The following POFUT3 variants were observed in gnomAD, a reference collection of about 807,000 sequenced individuals.
POFUT3 encodes the protein GDP-fucose protein O-fucosyltransferase 3.
chr8:33,328,228 A>G, the POFUT3 span, among the ~76,000 whole-genome samples: 1 of 152,168 alleles, frequency 6.6e-6, no homozygotes, highest in South Asian at 2.1e-4. Context: ...GGATGAACCC[A>G]CAGTGACTCA....
the POFUT3 span, among the ~76,000 whole-genome samples, chr8:33,470,847 G>A: frequency 6.6e-6 from 1 of 151,960 alleles, no homozygotes; most frequent in Non-Finnish European, 1.5e-5. Flanking sequence ...CCAAAACTAA[G>A]CTCTCTCATC....
the POFUT3 span, among the ~76,000 whole-genome samples, chr8:33,386,726 C>T: frequency 6.6e-6 from 1 of 152,082 alleles, no homozygotes; most frequent in Non-Finnish European, 1.5e-5. Context: ...AGGAGAATGG[C>T]GTGAACCCGG....
the POFUT3 span, among the ~76,000 whole-genome samples, chr8:33,365,493 T>C: frequency 6.6e-6 from 1 of 151,808 alleles, no homozygotes; most frequent in Non-Finnish European, 1.5e-5. Context: ...TGGGAGAAAA[T>C]TTTTGCAATC....
the POFUT3 span, among the ~76,000 whole-genome samples, chr8:33,335,749 T>C: frequency 3.2e-4 from 49 of 152,262 alleles, no homozygotes; most frequent in African/African-American, 1.0e-3. Context: ...TGTATTCTTA[T>C]AGAAAAGTCA....
At chr8:33,442,669 A>T in the POFUT3 span, among the ~76,000 whole-genome samples, 33 of 150,656 alleles carry the variant, frequency 2.2e-4, no homozygotes, top group African/African-American at 7.8e-4. Context: ...TGTATTGCTC[A>T]GGCTGGTCTC....
chr8:33,449,189 T>A, the POFUT3 span, among the ~76,000 whole-genome samples: 8 of 150,474 alleles, frequency 5.3e-5, no homozygotes, highest in African/African-American at 2.0e-4. Context: ...ATAAAGGACA[T>A]ACAAAATGCT....
At chr8:33,361,963 T>C in the POFUT3 span, among the ~76,000 whole-genome samples, 869 of 152,240 alleles carry the variant, frequency 5.7e-3, 9 homozygotes, top group African/African-American at 0.02. Flanking sequence ...AGACACGTAA[T>C]TGTCAGATTC....
the POFUT3 span, among the ~76,000 whole-genome samples, chr8:33,356,163 C>T: frequency 6.6e-5 from 10 of 152,254 alleles, no homozygotes; most frequent in East Asian, 3.9e-4. Flanking sequence ...GCAGCATGAT[C>T]TATAGTCATT....
chr8:33,375,886 G>A, the POFUT3 span, among the ~76,000 whole-genome samples: 394 of 151,956 alleles, frequency 2.6e-3, 1 homozygote, highest in African/African-American at 8.9e-3. Context: ...GTGTGGTGGC[G>A]CGTGCCTGTA....
At chr8:33,472,427 G>A in the POFUT3 span, among the ~76,000 whole-genome samples, 1 of 152,154 alleles carries the variant, frequency 6.6e-6, no homozygotes, top group African/African-American at 2.4e-5. Context: ...TACAAAAAAT[G>A]AGCTCTGTTC....
At chr8:33,345,495 G>A in the POFUT3 span, among the ~76,000 whole-genome samples, 2 of 151,230 alleles carry the variant, frequency 1.3e-5, no homozygotes, top group Admixed American at 1.3e-4. Flanking sequence ...CCACCTCCCG[G>A]GTTCAAGTGA....
the POFUT3 span, among the ~76,000 whole-genome samples, chr8:33,343,149 G>A: frequency 1.3e-5 from 2 of 150,018 alleles, no homozygotes; most frequent in East Asian, 1.9e-4. Flanking sequence ...TTACTTTCAC[G>A]CAAAAACCTA....
the POFUT3 span, among the ~76,000 whole-genome samples, chr8:33,425,268 A>C: frequency 6.6e-6 from 1 of 152,148 alleles, no homozygotes; most frequent in Non-Finnish European, 1.5e-5. Flanking sequence ...CAGGAGTTCA[A>C]AACTGCAGTG....
the POFUT3 span, among the ~76,000 whole-genome samples, chr8:33,445,180 T>C: frequency 6.6e-6 from 1 of 152,096 alleles, no homozygotes; most frequent in Non-Finnish European, 1.5e-5. Flanking sequence ...GCAATCTGCC[T>C]GCCTTGGCCT....
the POFUT3 span, among the ~76,000 whole-genome samples, chr8:33,388,185 T>C: frequency 1.3e-5 from 2 of 152,080 alleles, no homozygotes; most frequent in Admixed American, 1.3e-4. Flanking sequence ...AGAGTAAATA[T>C]TAGAGCAGCA....
At chr8:33,441,572 G>C in the POFUT3 span, among the ~76,000 whole-genome samples, 2 of 151,520 alleles carry the variant, frequency 1.3e-5, no homozygotes, top group Non-Finnish European at 2.9e-5. Flanking sequence ...GTAGTGATGG[G>C]GTTTCCATAT....
chr8:33,348,042 G>C, the POFUT3 span, among the ~76,000 whole-genome samples: 1 of 152,058 alleles, frequency 6.6e-6, no homozygotes, highest in Non-Finnish European at 1.5e-5. Flanking sequence ...GCCAGACCTG[G>C]TGGTGGGCAC....
the POFUT3 span, among the ~76,000 whole-genome samples, chr8:33,391,597 T>C: frequency 6.6e-6 from 1 of 151,886 alleles, no homozygotes; most frequent in African/African-American, 2.4e-5. Flanking sequence ...TCAAAAAGGG[T>C]CTAAGCTGGC....
the POFUT3 span, among the ~76,000 whole-genome samples, chr8:33,462,246 A>G: frequency 1.4e-5 from 2 of 144,260 alleles, no homozygotes; most frequent in Non-Finnish European, 3.1e-5. Context: ...CCAGATCCCA[A>G]ATCTCAAATT....
Sources: allele counts gnomAD v4.1 joint callset (sites outside exome capture counted in the v4.1 genomes callset), GRCh38; gene constraint gnomAD v4.1.1; transcripts MANE v1.5; gene names NCBI Gene and HGNC (gene_info 2026-07-23, HGNC 2026-07-21).